The following INPP4B variants were observed in gnomAD, a reference collection of about 807,000 sequenced individuals.
INPP4B encodes the protein inositol polyphosphate 4-phosphatase type II.
INPP4B carries 55 observed loss-of-function variants against 122.5 expected under a neutral mutation model. That is an observed-to-expected ratio of 0.45 (90% CI 0.36 to 0.56). The LOEUF (loss-of-function observed/expected upper bound fraction) is 0.56, where lower values mean the gene tolerates loss of function less well. Ranked by LOEUF, INPP4B falls within the 20% of genes least tolerant of loss-of-function variation. The pLI, the probability that INPP4B is intolerant of heterozygous loss-of-function variation, is 0.00. For missense variants in INPP4B, 1,000 were observed against 1,097.7 expected (o/e 0.91, Z 1.26); for synonymous variants, 403 against 388.7 (o/e 1.04, Z -0.43).
At chr4:142,563,522 C>T (rs991131059) in intron 2 of INPP4B, among the ~76,000 whole-genome samples, 8 of 152,106 alleles carry the variant, frequency 5.3e-5, no homozygotes, top group African/African-American at 1.9e-4. Flanking sequence ...AAATTAGAAT[C>T]CAGTTTATAG....
intron 9 of INPP4B, among the ~76,000 whole-genome samples, chr4:142,297,879 G>C (rs148528155): frequency 6.6e-6 from 1 of 152,174 alleles, no homozygotes; most frequent in Non-Finnish European, 1.5e-5. Flanking sequence ...AAAGGGAAAC[G>C]ATATTTATAG....
intron 2 of INPP4B, among the ~76,000 whole-genome samples, chr4:142,491,481 C>T (rs1403537839): frequency 2.6e-5 from 4 of 151,970 alleles, no homozygotes; most frequent in Non-Finnish European, 4.4e-5. Context: ...TGGTGAAATC[C>T]CGTCTCTATT....
intron 18 of INPP4B, among the ~76,000 whole-genome samples, chr4:142,130,352 G>C (rs937600450): frequency 3.9e-5 from 6 of 152,178 alleles, no homozygotes; most frequent in Admixed American, 2.0e-4. Flanking sequence ...AGATCACTCA[G>C]TGATTTGGAG....
chr4:142,219,973 C>T (rs1848719161), intron 12 of INPP4B, among the ~76,000 whole-genome samples: 1 of 152,162 alleles, frequency 6.6e-6, no homozygotes. Context: ...AAAATTCAAT[C>T]GTACTAGGTA....
chr4:142,543,929 A>G (rs575084670), intron 2 of INPP4B, among the ~76,000 whole-genome samples: 1 of 152,238 alleles, frequency 6.6e-6, no homozygotes, highest in Admixed American at 6.6e-5. Flanking sequence ...TCAGAACAAG[A>G]TCCCAAAAGC....
At chr4:142,161,125 G>T (rs951095133) in intron 16 of INPP4B, among the ~76,000 whole-genome samples, 1 of 151,572 alleles carries the variant, frequency 6.6e-6, no homozygotes, top group Non-Finnish European at 1.5e-5. Flanking sequence ...TGAAAACATC[G>T]GGCCTGTTTT....
rs530583985 is a variant in INPP4B at position 142,744,885 on chromosome 4, G to C, written c.-253-18984C>G. ...CCTCCTTATTATTTCTTAAAAGATA[G>C]GCTATTTTTTATAAAAGCAATAATC... On this transcript the variant is annotated intron_variant, in intron 1 of 25. Transcript: ENST00000262992. Among the ~76,000 whole-genome samples the C allele has an allele frequency of 6.9e-4, 104 of 151,758 alleles. No individual in the cohort carries two copies. In the Middle Eastern group the frequency reaches 0.017, roughly 25 times the overall value.
chr4:142,447,001 C>T (rs555560328), intron 3 of INPP4B, among the ~76,000 whole-genome samples: 35 of 152,162 alleles, frequency 2.3e-4, no homozygotes, highest in Admixed American at 7.2e-4. Context: ...TTTCTTAAAA[C>T]GGGTAATAGG....
intron 2 of INPP4B, among the ~76,000 whole-genome samples, chr4:142,607,751 G>C (rs1741581182): frequency 6.6e-6 from 1 of 152,060 alleles, no homozygotes; most frequent in South Asian, 2.1e-4. Flanking sequence ...AATTAAGACA[G>C]ACAATATACT....
intron 2 of INPP4B, among the ~76,000 whole-genome samples, chr4:142,591,907 G>C (rs10020192): frequency 0.011 from 1,600 of 152,134 alleles, 29 homozygotes; most frequent in African/African-American, 0.037. Context: ...GAAGAAACTA[G>C]GGATATATGA....
At chr4:142,428,597 A>G (rs900800032) in intron 5 of INPP4B, among the ~76,000 whole-genome samples, 10 of 152,024 alleles carry the variant, frequency 6.6e-5, no homozygotes, top group Admixed American at 6.6e-4. Context: ...CTGGTCTCAG[A>G]ATGCACACTT....
intron 2 of INPP4B, among the ~76,000 whole-genome samples, chr4:142,519,582 T>C (rs758617935): frequency 1.3e-5 from 2 of 152,096 alleles, no homozygotes; most frequent in Non-Finnish European, 2.9e-5. Flanking sequence ...AGCAGGACAG[T>C]TTAAAGCAAA....
intron 1 of INPP4B, among the ~76,000 whole-genome samples, chr4:142,803,299 A>G (rs550006827): frequency 6.6e-6 from 1 of 152,202 alleles, no homozygotes; most frequent in South Asian, 2.1e-4. Context: ...TAATAAGTAT[A>G]GATAGTGTAA....
intron 7 of INPP4B, among the ~76,000 whole-genome samples, chr4:142,373,377 T>C: frequency 6.6e-6 from 1 of 151,984 alleles, no homozygotes; most frequent in East Asian, 1.9e-4. Flanking sequence ...TTAAAATATA[T>C]AATTAAAAAC....
In INPP4B at chr4:142,317,214, G is replaced by A. The variant is rs776714142; in HGVS notation, c.373-2452C>T. 125 of 263,906 alleles carry A rather than the reference G, an allele frequency of 4.7e-4. 2 individuals carry two copies. The highest frequency in any genetic ancestry group is 2.3e-4 in the South Asian group (5 of 21,846). The allele number at this position is 263,906 out of a possible 1,614,324, so 16.3% of individuals were successfully genotyped here. On this transcript the variant is annotated intron_variant, in intron 7 of 25. Coordinates refer to ENST00000262992, the MANE Select transcript of INPP4B (RefSeq NM_001101669.3). ...TTCAGGGGGAAGAGTAAGAGTTCAG[G>A]GGGAAGGGTGCAGGATTTGAAATAT...
At chr4:142,304,515 C>A (rs1431986790) in intron 9 of INPP4B, among the ~76,000 whole-genome samples, 1 of 151,898 alleles carries the variant, frequency 6.6e-6, no homozygotes, top group Non-Finnish European at 1.5e-5. Flanking sequence ...TAGAAAAAAT[C>A]AGAAAAAGAC....
At chr4:142,333,095 T>C (rs1775314293) in intron 7 of INPP4B, among the ~76,000 whole-genome samples, 1 of 151,322 alleles carries the variant, frequency 6.6e-6, no homozygotes, top group African/African-American at 2.4e-5. Context: ...AGAGACAGAT[T>C]ACATGGAAGA....
chr4:142,428,106 T>C (rs1808499069), intron 5 of INPP4B, among the ~76,000 whole-genome samples: 1 of 151,710 alleles, frequency 6.6e-6, no homozygotes, highest in Non-Finnish European at 1.5e-5. Flanking sequence ...AAAAATGAAT[T>C]ACATACCAAT....
chr4:142,777,526 C>A (rs913099894), intron 1 of INPP4B, among the ~76,000 whole-genome samples: 3 of 152,146 alleles, frequency 2.0e-5, no homozygotes, highest in Non-Finnish European at 4.4e-5. Flanking sequence ...ACCTTGATTG[C>A]AGCCTACTGA....
Sources: gnomAD v4.1 joint callset for allele counts (sites outside exome capture counted in the v4.1 genomes callset) on GRCh38, gnomAD v4.1.1 for gene constraint, MANE v1.5 for transcripts, NCBI Gene and HGNC (gene_info 2026-07-23, HGNC 2026-07-21) for gene names.